The following NUTF2 variants were observed in gnomAD, a reference collection of about 807,000 sequenced individuals.
NUTF2 encodes the protein placental protein 15.
Under a neutral mutation model 18.5 loss-of-function variants are expected in NUTF2, and 3 were observed. The observed-to-expected ratio is 0.16, with a 90% CI of 0.07 to 0.42. The LOEUF (loss-of-function observed/expected upper bound fraction) is 0.42. Among genes scored for constraint, NUTF2 ranks in the 10% least tolerant of loss-of-function variants. The probability of loss-of-function intolerance (pLI) is 0.99; values close to 1 mark genes in which losing one functional copy is unlikely to be tolerated. For missense variants in NUTF2, 44 were observed against 160.7 expected, an observed-to-expected ratio of 0.27 and a Z score of 3.93; for synonymous variants, 51 against 57.9, an observed-to-expected ratio of 0.88 and a Z score of 0.54.
chr16:67,855,775 CCTG>C (rs2057891512), intron 1 of NUTF2, among the ~76,000 whole-genome samples: 1 of 151,694 alleles, frequency 6.6e-6, no homozygotes, highest in Non-Finnish European at 1.5e-5. Flanking sequence ...GCTGCTTTGA[CCTG>C]CTGAGTAGGT....
chr16:67,863,673 G>A (rs1278254529), intron 1 of NUTF2, among the ~76,000 whole-genome samples: 3 of 152,202 alleles, frequency 2.0e-5, no homozygotes, highest in African/African-American at 4.8e-5. Flanking sequence ...CCACCACTGC[G>A]AATGCTTGTC....
At chr16:67,859,111 T>G (rs952720276) in intron 1 of NUTF2, among the ~76,000 whole-genome samples, 1 of 151,878 alleles carries the variant, frequency 6.6e-6, no homozygotes, top group Non-Finnish European at 1.5e-5. Flanking sequence ...TCCGAGGGAT[T>G]ACAGTCATGA....
intron 1 of NUTF2, among the ~76,000 whole-genome samples, chr16:67,858,199 A>T (rs1267251389): frequency 1.3e-5 from 2 of 152,058 alleles, no homozygotes; most frequent in Non-Finnish European, 2.9e-5. Flanking sequence ...ACCGAATCTC[A>T]CTCTGTCGCC....
At chr16:67,847,692 C>T (rs1012978999) in intron 1 of NUTF2, 1 of 152,390 alleles carries the variant, frequency 6.6e-6, no homozygotes, top group Non-Finnish European at 1.5e-5. Context: ...CTTAGAGGAT[C>T]TGGGCCTGAT....
At position 67,870,554 on chromosome 16, in the gene NUTF2, T is replaced by C. The variant is rs114322381; in HGVS notation, c.271-246T>C. The stretch of plus-strand genomic sequence containing the variant: ...TTTTGCTGTAGCTAAGGGTGAATTA[T>C]TGTGCAGTTTAAGCACACATAGCAC... On this transcript the variant is annotated intron_variant, in intron 4 of 4. Transcript: ENST00000219169. 1,098 of 497,184 alleles carry C rather than the reference T, an allele frequency of 2.2e-3. 10 individuals are homozygous for C. The highest frequency in any genetic ancestry group is 0.019 in the African/African-American group (973 of 51,270). The allele number at this position is 497,184 out of a possible 1,614,324, so 30.8% of individuals were successfully genotyped here.
chr16:67,847,477 C>G (rs548151323), intron 1 of NUTF2: 81 of 152,430 alleles, frequency 5.3e-4, no homozygotes, highest in African/African-American at 1.7e-3. Context: ...CCGCCTGCCG[C>G]AGCCGGGGCT....
chr16:67,847,914 G>T (rs1262240584), intron 1 of NUTF2: 1 of 152,258 alleles, frequency 6.6e-6, no homozygotes, highest in Admixed American at 6.5e-5. Flanking sequence ...GGGGCTTTGG[G>T]GGGTGGGGCA....
chr16:67,866,976 CTT>C (rs1299704183), intron 2 of NUTF2, among the ~76,000 whole-genome samples: 8 of 143,928 alleles, frequency 5.6e-5, no homozygotes, highest in African/African-American at 7.6e-5. Context: ...ATCACTCTCC[CTT>C]TTTTTTTTTT....
At chr16:67,865,467 A>G (rs2057964124) in intron 2 of NUTF2, among the ~76,000 whole-genome samples, 2 of 152,118 alleles carry the variant, frequency 1.3e-5, no homozygotes, top group African/African-American at 2.4e-5. Context: ...TTGCCATTCC[A>G]TGTGGCCAGC....
chr16:67,871,162 CTTTTTTTTT>C lies in NUTF2; in HGVS notation c.*263_*271del. ...GACTTAAGTAATGCAAAAGGTTGTC[CTTTTTTTTT>C]TTTTTTTTTTTTTAATCTACTGACA... On this transcript the variant is annotated 3_prime_UTR_variant, in exon 5 of 5. Coordinates refer to ENST00000219169, the MANE Select transcript of NUTF2 (RefSeq NM_005796.3). 1 of 150,590 alleles carries C rather than the reference CTTTTTTTTT, an allele frequency of 6.6e-6. No individual in the cohort carries two copies. Among genetic ancestry groups the C allele is most frequent in the Non-Finnish European group, 1.3e-5 (1 of 77,594 alleles). The allele number at this position is 150,590 out of a possible 1,614,324, so 9.3% of individuals were successfully genotyped here. A position where few individuals can be genotyped will look rare whatever the true frequency, so the allele number is the denominator to read the frequency against.
intron 1 of NUTF2, among the ~76,000 whole-genome samples, chr16:67,864,606 T>C (rs1179098617): frequency 6.6e-6 from 1 of 151,730 alleles, no homozygotes; most frequent in African/African-American, 2.4e-5. Flanking sequence ...TGGGACAGTG[T>C]TGGGGGCCTG....
chr16:67,854,340 C>T (rs548086836), intron 1 of NUTF2, among the ~76,000 whole-genome samples: 1 of 152,286 alleles, frequency 6.6e-6, no homozygotes, highest in Admixed American at 6.5e-5. Flanking sequence ...CTTTAAGTGC[C>T]CAATAGTTGT....
intron 2 of NUTF2, among the ~76,000 whole-genome samples, chr16:67,867,079 C>T (rs1329310278): frequency 1.3e-5 from 2 of 151,678 alleles, no homozygotes; most frequent in African/African-American, 4.8e-5. Context: ...TCAAGCAATT[C>T]TCATGCCTCA....
At chr16:67,858,162 C>T (rs895193233) in intron 1 of NUTF2, among the ~76,000 whole-genome samples, 1 of 152,096 alleles carries the variant, frequency 6.6e-6, no homozygotes, top group Non-Finnish European at 1.5e-5. Flanking sequence ...CAGACAGCTA[C>T]TTTATTATTT....
chr16:67,848,669 G>A (rs555835679), intron 1 of NUTF2, among the ~76,000 whole-genome samples: 1 of 151,994 alleles, frequency 6.6e-6, no homozygotes, highest in East Asian at 1.9e-4. Context: ...TTGAATCCGG[G>A]AGGCAGAGGT....
chr16:67,851,088 A>C (rs2057853174), intron 1 of NUTF2, among the ~76,000 whole-genome samples: 1 of 152,096 alleles, frequency 6.6e-6, no homozygotes, highest in African/African-American at 2.4e-5. Flanking sequence ...GGTGTGAGCC[A>C]CCGCACCTGG....
chr16:67,854,470 C>T (rs765782297), intron 1 of NUTF2, among the ~76,000 whole-genome samples: 8 of 152,206 alleles, frequency 5.3e-5, no homozygotes, highest in Non-Finnish European at 1.0e-4. Flanking sequence ...AACAGATGGC[C>T]CTTGCCTGGG....
At chr16:67,867,963 G>A (rs2057985376) in intron 2 of NUTF2, among the ~76,000 whole-genome samples, 1 of 152,222 alleles carries the variant, frequency 6.6e-6, no homozygotes, top group Admixed American at 6.5e-5. Flanking sequence ...TGGGATTACA[G>A]GCGTGAGCCA....
chr16:67,865,030 G>A, intron 1 of NUTF2, 72 bp from the exon 2 acceptor site: 1 of 718,196 alleles, frequency 1.4e-6, no homozygotes, highest in Non-Finnish European at 2.5e-6. Flanking sequence ...GCCAGTGAGG[G>A]GTGGGGGTCA....
Sources: allele counts gnomAD v4.1 joint callset (sites outside exome capture counted in the v4.1 genomes callset), GRCh38; gene constraint gnomAD v4.1.1; transcripts MANE v1.5; gene names NCBI Gene and HGNC (gene_info 2026-07-23, HGNC 2026-07-21).